GPM6A: variants seen among roughly 807,000 people sequenced by gnomAD.
GPM6A encodes neuronal membrane glycoprotein M6-a.
In GPM6A, 7 loss-of-function variants were observed where a neutral mutation model predicts 32.1. That is an observed-to-expected ratio of 0.22 (90% CI 0.12 to 0.41). The LOEUF (loss-of-function observed/expected upper bound fraction) is 0.41. Ranked by LOEUF, GPM6A falls within the 10% of genes least tolerant of loss-of-function variation. The pLI, the probability that GPM6A is intolerant of heterozygous loss-of-function variation, is 1.00. For missense variants in GPM6A, 235 were observed against 347.2 expected, an observed-to-expected ratio of 0.68 and a Z score of 2.57; for synonymous variants, 130 against 123.4, an observed-to-expected ratio of 1.05 and a Z score of -0.35.
rs552830910 is a variant in GPM6A, at chr4:175,635,137, C to T, written c.685-80G>A. 48 of 986,904 alleles carry T rather than the reference C, an allele frequency of 4.9e-5. No individual in the cohort carries two copies. The African/African-American group carries it at 5.1e-4, about 10-fold the overall frequency. The allele number at this position is 986,904 out of a possible 1,614,324, so 61.1% of individuals were successfully genotyped here. On this transcript the variant is annotated intron_variant, in intron 6 of 6. Coordinates refer to ENST00000393658, the MANE Select transcript of GPM6A (RefSeq NM_201591.3). ...ACCTTGCTATCTCGAAAGAAGTCTT[C>T]GAATTATAGCTCTTTATAGGAAATG...
In GPM6A at chr4:175,835,765, C is replaced by T. The variant is rs575524236; in HGVS notation, c.-22-23516G>A. 1.4e-3 allele frequency among the ~76,000 whole-genome samples: 208 copies of T among 146,464 alleles called. 1 individual carries two copies. The highest frequency in any genetic ancestry group is 4.6e-3 in the African/African-American group (184 of 40,054). ...TTATTTTTTCAAATAATTATATTTACTAACATTATATAATAAAGCATATAT... is the reference window on the plus strand; with the variant it reads ...TTATTTTTTCAAATAATTATATTTATTAACATTATATAATAAAGCATATAT... On this transcript the variant is annotated intron_variant, in intron 1 of 7. Coordinates refer to the GPM6A transcript ENST00000280187.
At chr4:175,658,734 G>T (rs1205453073) in intron 3 of GPM6A, among the ~76,000 whole-genome samples, 1 of 152,004 alleles carries the variant, frequency 6.6e-6, no homozygotes, top group East Asian at 1.9e-4. Flanking sequence ...AACCTAAAAC[G>T]GTTCTAAAAT....
intron 1 of GPM6A, among the ~76,000 whole-genome samples, chr4:175,974,094 G>A (rs375489091): frequency 2.0e-4 from 31 of 152,078 alleles, no homozygotes; most frequent in African/African-American, 6.5e-4. Flanking sequence ...ACAGCTGGGC[G>A]TGGTGGCGCA....
chr4:175,645,953 AG>A (rs1741439967), intron 4 of GPM6A, among the ~76,000 whole-genome samples: 2 of 152,250 alleles, frequency 1.3e-5, no homozygotes, highest in Admixed American at 1.3e-4. Flanking sequence ...CCCTGGCTCT[AG>A]GGGGGTTTTC....
chr4:175,708,362 A>ATTTT (rs753373452), intron 1 of GPM6A, among the ~76,000 whole-genome samples: 2 of 83,842 alleles, frequency 2.4e-5, no homozygotes, highest in African/African-American at 4.0e-5. Context: ...GAGAAGGTTT[A>ATTTT]TTTTATTTAT....
rs577608482 is a variant in GPM6A, at chr4:175,987,705, C to T, written c.-23+14604G>A. ...ATAACTAAACTTAGGGATAATAGAT[C>T]CTTTCTCCAATTTAGTGGATCTAGA... On this transcript the variant is annotated intron_variant, in intron 1 of 7. Coordinates refer to the GPM6A transcript ENST00000280187. 3.9e-5 allele frequency among the ~76,000 whole-genome samples: 6 copies of T among 152,164 alleles called. No homozygotes were observed. In the East Asian group the frequency reaches 1.2e-3, roughly 29 times the overall value.
At chr4:175,852,112 T>C (rs1001447502) in intron 1 of GPM6A, among the ~76,000 whole-genome samples, 2 of 152,164 alleles carry the variant, frequency 1.3e-5, no homozygotes, top group African/African-American at 4.8e-5. Flanking sequence ...GCCATCTTAC[T>C]AGCTGTGAAA....
chr4:175,974,570 A>G (rs1436555937), intron 1 of GPM6A, among the ~76,000 whole-genome samples: 1 of 141,406 alleles, frequency 7.1e-6, no homozygotes, highest in Admixed American at 6.8e-5. Context: ...TCTGTTTAAA[A>G]TCAACAGCTC....
chr4:175,826,774 T>C (rs1735452659), intron 1 of GPM6A, among the ~76,000 whole-genome samples: 1 of 152,026 alleles, frequency 6.6e-6, no homozygotes, highest in African/African-American at 2.4e-5. Context: ...TGCCCATGTA[T>C]ACCAAGTCAG....
intron 1 of GPM6A, among the ~76,000 whole-genome samples, chr4:175,997,672 T>C (rs1052962272): frequency 3.9e-5 from 6 of 152,052 alleles, no homozygotes; most frequent in South Asian, 2.1e-4. Context: ...GGTGTCATAG[T>C]TTTCCTGAAA....
chr4:175,886,906 A>C (rs999518546), intron 1 of GPM6A, among the ~76,000 whole-genome samples: 1 of 152,094 alleles, frequency 6.6e-6, no homozygotes, highest in African/African-American at 2.4e-5. Context: ...AAAATGAAAA[A>C]ATAAATTAAA....
chr4:175,652,925 C>T (rs1741887050), intron 3 of GPM6A, among the ~76,000 whole-genome samples: 1 of 152,118 alleles, frequency 6.6e-6, no homozygotes, highest in Non-Finnish European at 1.5e-5. Flanking sequence ...AATAGATTCA[C>T]TAGTGCATTC....
intron 1 of GPM6A, among the ~76,000 whole-genome samples, chr4:175,715,009 A>G (rs1020017005): frequency 1.3e-5 from 2 of 151,950 alleles, no homozygotes; most frequent in Non-Finnish European, 2.9e-5. Context: ...AAAAAAAAAA[A>G]AAACTAGCTT....
At chr4:175,960,174 G>C (rs1740122337) in intron 1 of GPM6A, among the ~76,000 whole-genome samples, 1 of 151,966 alleles carries the variant, frequency 6.6e-6, no homozygotes, top group African/African-American at 2.4e-5. Flanking sequence ...ACATCAATTG[G>C]GACCAATGTG....
intron 4 of GPM6A, chr4:175,641,433 T>C (rs1165678931): frequency 1.3e-5 from 2 of 152,486 alleles, no homozygotes; most frequent in Non-Finnish European, 2.9e-5. Flanking sequence ...TAGATGGGAA[T>C]CTATGAATAT....
intron 1 of GPM6A, among the ~76,000 whole-genome samples, chr4:175,888,488 T>C (rs745425310): frequency 6.6e-6 from 1 of 151,980 alleles, no homozygotes; most frequent in Non-Finnish European, 1.5e-5. Context: ...ACAAAGACAG[T>C]TAATCTATTA....
At chr4:175,923,215 T>TTATATATATA (rs201557656) in intron 1 of GPM6A, among the ~76,000 whole-genome samples, 11 of 26,742 alleles carry the variant, frequency 4.1e-4, no homozygotes, top group African/African-American at 8.3e-4. Flanking sequence ...ATAACATGAT[T>TTATATATATA]TATATATATA....
chr4:175,648,113 CTT>C (rs149725391), intron 4 of GPM6A, among the ~76,000 whole-genome samples: 2 of 151,466 alleles, frequency 1.3e-5, no homozygotes, highest in Admixed American at 6.6e-5. Context: ...ACATTCTTTT[CTT>C]TTTTTAAAAA....
At chr4:175,832,008 C>T (rs867575489) in intron 1 of GPM6A, among the ~76,000 whole-genome samples, 1 of 151,944 alleles carries the variant, frequency 6.6e-6, no homozygotes, top group African/African-American at 2.4e-5. Flanking sequence ...CGTGAGCCAC[C>T]GTGCCTGGCC....
Sources: allele counts gnomAD v4.1 joint callset (sites outside exome capture counted in the v4.1 genomes callset), GRCh38; gene constraint gnomAD v4.1.1; transcripts MANE v1.5; gene names NCBI Gene and HGNC (gene_info 2026-07-23, HGNC 2026-07-21).